The following CFAP47 variants were observed in gnomAD, a reference collection of about 807,000 sequenced individuals.
CFAP47 encodes the protein cilia- and flagella-associated protein 47.
A neutral mutation model predicts 148.1 loss-of-function variants in CFAP47; 29 were observed. That is an observed-to-expected ratio of 0.20 (90% confidence interval 0.15 to 0.27). CFAP47 has a LOEUF of 0.27. CFAP47 is among the 10% of genes least tolerant of loss of function. The pLI is 1.00. For synonymous variants in CFAP47, 664 were observed against 577.3 expected (o/e 1.15, Z -2.15); for missense variants, 1,872 against 1,697.5 (o/e 1.10, Z -1.81).
intron 11 of CFAP47, 122 bp downstream of exon 11, chrX:35,971,045 A>G (rs1457114163): frequency 9.8e-6 from 5 of 511,272 alleles, no homozygotes; most frequent in South Asian, 3.8e-5. Flanking sequence ...AATACGTGAT[A>G]AAAGCAAAAC....
chrX:36,379,526 C>A lies in CFAP47; in HGVS notation c.9354+8C>A. 4.4e-6 allele frequency: 5 copies of A among 1,134,950 alleles called. No homozygotes were observed. Among genetic ancestry groups the A allele is most frequent in the Non-Finnish European group, 4.7e-6 (4 of 843,730 alleles). 93.5% of individuals were successfully genotyped at this position (1,134,950 alleles called of 1,213,427 possible). On this transcript the variant is annotated splice_region_variant and intron_variant, in intron 63 of 63. Transcript: ENST00000378653. ...GCAACATTAGTAATACAGGTGAGTTCTATAAGGGCAATAGCCAAGGATGTT... is the reference window on the plus strand; with the variant it reads ...GCAACATTAGTAATACAGGTGAGTTATATAAGGGCAATAGCCAAGGATGTT...
chrX:35,921,795 A>G (rs1254965919), intron 1 of CFAP47, among the ~76,000 whole-genome samples: 2 of 104,973 alleles, frequency 1.9e-5, no homozygotes, highest in Non-Finnish European at 1.9e-5. Context: ...GGTGGGGGAT[A>G]AGAAAAAGTA....
intron 19 of CFAP47, among the ~76,000 whole-genome samples, chrX:35,998,486 G>A (rs1936874696): frequency 9.0e-6 from 1 of 111,107 alleles, no homozygotes; most frequent in African/African-American, 3.3e-5. Context: ...TTATTTTGGG[G>A]CTATTTGTAC....
chrX:36,223,363 A>G (rs1313552398), intron 45 of CFAP47, among the ~76,000 whole-genome samples: 2 of 110,889 alleles, frequency 1.8e-5, no homozygotes, highest in Admixed American at 9.7e-5. Flanking sequence ...TGTGATTAAC[A>G]AATAGGCCAA....
chrX:36,140,811 G>T (rs968754191), intron 35 of CFAP47, among the ~76,000 whole-genome samples: 1 of 111,352 alleles, frequency 9.0e-6, no homozygotes, highest in Non-Finnish European at 1.9e-5. Context: ...TGTCTTTTTG[G>T]AGAATCCTGC....
chrX:36,344,162 A>G (rs1230304789), intron 57 of CFAP47, among the ~76,000 whole-genome samples: 1 of 108,074 alleles, frequency 9.3e-6, no homozygotes, highest in Non-Finnish European at 1.9e-5. Flanking sequence ...GCGCACCAGC[A>G]TGGCACATGT....
At chrX:36,064,438 A>G (rs913233931) in intron 26 of CFAP47, among the ~76,000 whole-genome samples, 1 of 112,239 alleles carries the variant, frequency 8.9e-6, no homozygotes, top group African/African-American at 3.2e-5. Flanking sequence ...ATATCAATGT[A>G]TAAAGAGAAA....
intron 57 of CFAP47, among the ~76,000 whole-genome samples, chrX:36,327,082 C>CA (rs76968693): frequency 6.3e-4 from 69 of 108,936 alleles, no homozygotes; most frequent in Non-Finnish European, 1.0e-3. Flanking sequence ...GAATCCATTG[C>CA]AAAAAAAACA....
intron 53 of CFAP47, among the ~76,000 whole-genome samples, chrX:36,302,602 ATTATG>A (rs1159703527): frequency 2.0e-4 from 22 of 112,259 alleles, no homozygotes; most frequent in African/African-American, 7.1e-4. Flanking sequence ...AAATTATGTT[ATTATG>A]TTATACTTTA....
intron 63 of CFAP47, among the ~76,000 whole-genome samples, chrX:36,382,922 G>A (rs1435051166): frequency 4.5e-5 from 5 of 111,183 alleles, no homozygotes; most frequent in Non-Finnish European, 3.8e-5. Flanking sequence ...AAGGGAGATT[G>A]GGGATAGAAG....
At chrX:36,380,972 C>T (rs1220989781) in intron 63 of CFAP47, among the ~76,000 whole-genome samples, 1 of 111,788 alleles carries the variant, frequency 8.9e-6, no homozygotes, top group Admixed American at 9.5e-5. Flanking sequence ...TGTGAGGGAA[C>T]AAGTTGTTAC....
intron 25 of CFAP47, among the ~76,000 whole-genome samples, chrX:36,042,366 G>A (rs1937416023): frequency 9.0e-6 from 1 of 111,340 alleles, no homozygotes; most frequent in African/African-American, 3.3e-5. Context: ...GTCATTATCT[G>A]TATATTAGAT....
chrX:36,077,209 TTTTTTTTTTTTTTTG>T, intron 29 of CFAP47, among the ~76,000 whole-genome samples: 1 of 86,282 alleles, frequency 1.2e-5, no homozygotes, highest in African/African-American at 4.5e-5. Flanking sequence ...TTTTTTTTTT[TTTTTTTTTTTTTTTG>T]CTCAGGAGTC....
At chrX:36,145,196 C>T (rs973977237) in intron 35 of CFAP47, 23 bp from the exon 36 acceptor site, 3 of 294,517 alleles carry the variant, frequency 1.0e-5, no homozygotes, top group African/African-American at 5.6e-5. Context: ...CCTCTAATTT[C>T]GATTTATCTT....
intron 15 of CFAP47, among the ~76,000 whole-genome samples, chrX:35,986,935 G>A (rs1011678556): frequency 5.4e-5 from 6 of 111,470 alleles, no homozygotes; most frequent in African/African-American, 2.0e-4. Context: ...CACCAGCGGA[G>A]GCTGCAGAAC....
At chrX:36,234,002 T>A (rs1289442424) in intron 46 of CFAP47, among the ~76,000 whole-genome samples, 1 of 111,125 alleles carries the variant, frequency 9.0e-6, no homozygotes, top group African/African-American at 3.3e-5. Flanking sequence ...GTCTGATGGG[T>A]TTCCCTTTGT....
intron 56 of CFAP47, among the ~76,000 whole-genome samples, chrX:36,317,970 A>G (rs1335463075): frequency 1.8e-5 from 2 of 111,705 alleles, no homozygotes; most frequent in Non-Finnish European, 3.8e-5. Flanking sequence ...TTGATTAACA[A>G]CACTCCAAAT....
At chrX:36,263,124 T>A (rs1465918599) in intron 49 of CFAP47, among the ~76,000 whole-genome samples, 1 of 112,226 alleles carries the variant, frequency 8.9e-6, no homozygotes, top group Admixed American at 9.4e-5. Flanking sequence ...CCTTGTCTGA[T>A]GTGTAGTTTG....
At chrX:35,994,097 C>G (rs1481855612) in intron 18 of CFAP47, among the ~76,000 whole-genome samples, 3 of 109,847 alleles carry the variant, frequency 2.7e-5, no homozygotes, top group Admixed American at 9.7e-5. Flanking sequence ...CCCATCTCTA[C>G]TAAAAATACA....
Sources: allele counts gnomAD v4.1 joint callset (sites outside exome capture counted in the v4.1 genomes callset), GRCh38; gene constraint gnomAD v4.1.1; transcripts MANE v1.5; gene names NCBI Gene and HGNC (gene_info 2026-07-23, HGNC 2026-07-21).